ZNF536: variants seen among roughly 807,000 people sequenced by gnomAD.
ZNF536 encodes zinc finger protein 536.
In ZNF536, 13 loss-of-function variants were observed where a neutral mutation model predicts 84.5. That is an observed-to-expected ratio of 0.15 (90% confidence interval 0.10 to 0.24). The LOEUF (loss-of-function observed/expected upper bound fraction) is 0.24. ZNF536 is among the 10% of genes least tolerant of loss of function. The pLI, the probability that ZNF536 is intolerant of heterozygous loss-of-function variation, is 1.00. For missense variants in ZNF536, 1,536 were observed against 1,747.5 expected (o/e 0.88, Z 2.16); for synonymous variants, 811 against 742.5 (o/e 1.09, Z -1.50).
At chr19:30,260,421 T>A (rs2025146922) in intron 1 of ZNF536, among the ~76,000 whole-genome samples, 1 of 152,240 alleles carries the variant, frequency 6.6e-6, no homozygotes, top group South Asian at 2.1e-4. Flanking sequence ...CTCCTACTCA[T>A]TGCAGAGCTT....
intron 1 of ZNF536, among the ~76,000 whole-genome samples, chr19:30,710,503 G>C (rs946765817): frequency 7.2e-5 from 11 of 152,186 alleles, no homozygotes; most frequent in African/African-American, 2.7e-4. Context: ...TCGCACCACT[G>C]CACTCCCAGC....
intron 1 of ZNF536, among the ~76,000 whole-genome samples, chr19:30,268,059 C>G (rs1474219389): frequency 8.3e-6 from 1 of 120,270 alleles, no homozygotes. Context: ...CTCCCTTTCT[C>G]TCCCCCTCTC....
chr19:30,654,192 C>T (rs964999760), intron 1 of ZNF536, among the ~76,000 whole-genome samples: 5 of 152,162 alleles, frequency 3.3e-5, no homozygotes, highest in Non-Finnish European at 5.9e-5. Context: ...AGGGCTGGTG[C>T]CCAGGCTGCG....
At chr19:30,267,665 C>T (rs942141536) in intron 1 of ZNF536, among the ~76,000 whole-genome samples, 1 of 152,140 alleles carries the variant, frequency 6.6e-6, no homozygotes, top group Non-Finnish European at 1.5e-5. Flanking sequence ...CTTCAGGCAT[C>T]TCCTGACTCC....
intron 2 of ZNF536, among the ~76,000 whole-genome samples, chr19:30,468,479 A>G (rs1050648210): frequency 4.0e-5 from 6 of 151,272 alleles, no homozygotes; most frequent in African/African-American, 1.5e-4. Flanking sequence ...GGCCAAGTGG[A>G]TCTCCCCCGC....
At chr19:30,241,048 T>C (rs1387621243) in intron 1 of ZNF536, among the ~76,000 whole-genome samples, 1 of 152,216 alleles carries the variant, frequency 6.6e-6, no homozygotes, top group African/African-American at 2.4e-5. Flanking sequence ...CCTGGGGCAG[T>C]GGCTCACACC....
intron 1 of ZNF536, among the ~76,000 whole-genome samples, chr19:30,593,446 A>T (rs1322955049): frequency 1.3e-5 from 2 of 152,200 alleles, no homozygotes; most frequent in African/African-American, 2.4e-5. Flanking sequence ...TGAATTCAGC[A>T]GCAGACAGGC....
At chr19:30,606,459 GT>G (rs2047895848) in intron 1 of ZNF536, among the ~76,000 whole-genome samples, 1 of 152,102 alleles carries the variant, frequency 6.6e-6, no homozygotes, top group Non-Finnish European at 1.5e-5. Context: ...TGAGTTGGGG[GT>G]TTCCCAGATG....
intron 1 of ZNF536, among the ~76,000 whole-genome samples, chr19:30,237,067 C>T (rs2023583040): frequency 6.6e-6 from 1 of 151,286 alleles, no homozygotes; most frequent in Non-Finnish European, 1.5e-5. Context: ...CTTCTAGGCA[C>T]TGCCTGGCTA....
At chr19:30,436,964 C>T (rs1402596614) in intron 1 of ZNF536, among the ~76,000 whole-genome samples, 9 of 152,110 alleles carry the variant, frequency 5.9e-5, no homozygotes, top group African/African-American at 1.2e-4. Context: ...GTTTCACCCA[C>T]GTCGATGAAA....
intron 1 of ZNF536, among the ~76,000 whole-genome samples, chr19:30,404,498 T>C (rs2011598070): frequency 1.3e-5 from 2 of 152,202 alleles, no homozygotes; most frequent in South Asian, 4.1e-4. Flanking sequence ...ATTTAACCTC[T>C]CTGTGCCTCA....
Position 30,656,410 on chromosome 19 carries a change from C to T in ZNF536, c.170-54347C>T, listed in dbSNP as rs534598880. ...ACATTAAAACAATATGAAAACTCTG[C>T]CATGCTTTTGGTTATCCCCTTGGCT... On this transcript the variant is annotated intron_variant, in intron 1 of 1. Transcript: ENST00000592773. Among the ~76,000 whole-genome samples, 106 of 152,302 alleles carry T rather than the reference C, an allele frequency of 7.0e-4. 1 individual carries two copies. Among genetic ancestry groups the T allele is most frequent in the African/African-American group, 2.5e-3 (102 of 41,564 alleles).
chr19:30,301,114 G>C (rs1046530135), intron 2 of ZNF536, among the ~76,000 whole-genome samples: 1 of 152,168 alleles, frequency 6.6e-6, no homozygotes, highest in Non-Finnish European at 1.5e-5. Context: ...GTCAGCTTTT[G>C]TGTCTGCCCT....
intron 1 of ZNF536, among the ~76,000 whole-genome samples, chr19:30,423,203 C>T (rs2051057914): frequency 6.6e-6 from 1 of 151,562 alleles, no homozygotes; most frequent in Non-Finnish European, 1.5e-5. Flanking sequence ...CTCTTTCTCT[C>T]CCTTACTTTC....
At chr19:30,490,559 G>T (rs115361049) in intron 2 of ZNF536, among the ~76,000 whole-genome samples, 116 of 152,166 alleles carry the variant, frequency 7.6e-4, no homozygotes, top group African/African-American at 2.4e-3. Context: ...AGATAACAGC[G>T]TTCACCACTT....
chr19:30,315,910 A>T (rs527893169), intron 2 of ZNF536, among the ~76,000 whole-genome samples: 12 of 151,826 alleles, frequency 7.9e-5, no homozygotes, highest in South Asian at 2.1e-4. Flanking sequence ...TACTTTTTTT[A>T]AAAAAAACAG....
chr19:30,580,330 C>G (rs1040654690), intron 1 of ZNF536, among the ~76,000 whole-genome samples: 1 of 152,206 alleles, frequency 6.6e-6, no homozygotes, highest in African/African-American at 2.4e-5. Flanking sequence ...GGTCTTGCAG[C>G]GAGTTTCTCA....
chr19:30,326,290 TC>T (rs1365362666), intron 2 of ZNF536, among the ~76,000 whole-genome samples: 1 of 152,116 alleles, frequency 6.6e-6, no homozygotes, highest in Non-Finnish European at 1.5e-5. Flanking sequence ...AGGCCTGGGA[TC>T]CTTGGGAGTC....
At chr19:30,637,253 A>G (rs1236253334) in intron 1 of ZNF536, among the ~76,000 whole-genome samples, 6 of 151,988 alleles carry the variant, frequency 3.9e-5, no homozygotes, top group Non-Finnish European at 8.8e-5. Context: ...TTTTCAACCC[A>G]CCCTAAGAAC....
Sources: gnomAD v4.1 joint callset for allele counts (sites outside exome capture counted in the v4.1 genomes callset) on GRCh38, gnomAD v4.1.1 for gene constraint, MANE v1.5 for transcripts, NCBI Gene and HGNC (gene_info 2026-07-23, HGNC 2026-07-21) for gene names.